Variants in SPATS2L observed in about 807,000 individuals in gnomAD.
SPATS2L encodes the protein SPATS2-like protein.
In SPATS2L, 30 loss-of-function variants were observed where a neutral mutation model predicts 59.6. The observed-to-expected ratio is 0.50, with a 90% confidence interval of 0.38 to 0.68. The LOEUF (loss-of-function observed/expected upper bound fraction) is 0.68. Ranked by LOEUF, SPATS2L falls within the 30% of genes least tolerant of loss-of-function variation. The pLI is 0.00. For missense variants in SPATS2L, 615 were observed against 700.0 expected, an observed-to-expected ratio of 0.88 and a Z score of 1.37; for synonymous variants, 252 against 263.5, an observed-to-expected ratio of 0.96 and a Z score of 0.42.
At position 200,419,357 on chromosome 2, in the gene SPATS2L, G is replaced by A; in HGVS notation, c.306G>A (p.Gln102=). 6.2e-7 allele frequency: 1 copy of A among 1,611,858 alleles called. No individual in the cohort carries two copies. Among genetic ancestry groups the A allele is most frequent in the East Asian group, 2.2e-5 (1 of 44,686 alleles). ...GGCCCCTGCAGCCGCAGCCACCACAGATTCAAAACGGCCCCATGAATGGCT... is the reference window on the plus strand; with the variant it reads ...GGCCCCTGCAGCCGCAGCCACCACAAATTCAAAACGGCCCCATGAATGGCT... ...EAGPLQPQPP[Q]IQNGPMNGCE... The change falls in exon 6 of 13, where the codon CAG becomes CAA. Residue 102 remains glutamine, a synonymous_variant. Transcript: ENST00000409140.
intron 1 of SPATS2L, among the ~76,000 whole-genome samples, chr2:200,313,836 T>C (rs2079273501): frequency 6.6e-6 from 1 of 152,174 alleles, no homozygotes. Context: ...TTTCTTGAAC[T>C]TTGCACAACA....
At chr2:200,454,298 G>A (rs3769439) in intron 8 of SPATS2L, among the ~76,000 whole-genome samples, 61,120 of 151,982 alleles carry the variant, frequency 0.4, 13,341 homozygotes, top group East Asian at 0.58. Context: ...CAACTACATT[G>A]ATGGTCCTGT....
chr2:200,399,480 A>G (rs536256638), intron 3 of SPATS2L, among the ~76,000 whole-genome samples: 14 of 152,318 alleles, frequency 9.2e-5, no homozygotes, highest in African/African-American at 3.1e-4. Flanking sequence ...CCGATGGACA[A>G]TTGTAGTTTT....
At chr2:200,386,720 G>C (rs146739999) in intron 2 of SPATS2L, among the ~76,000 whole-genome samples, 195 of 152,302 alleles carry the variant, frequency 1.3e-3, no homozygotes, top group African/African-American at 4.6e-3. Context: ...AGCTGATCTG[G>C]TCTAATGAAA....
intron 2 of SPATS2L, among the ~76,000 whole-genome samples, chr2:200,331,596 C>T (rs989232898): frequency 7.9e-5 from 12 of 152,114 alleles, no homozygotes; most frequent in East Asian, 1.9e-4. Flanking sequence ...GATTTTGAGT[C>T]GCACCTCAGC....
chr2:200,459,958 C>G, intron 9 of SPATS2L, 131 bp downstream of exon 9: 1 of 682,338 alleles, frequency 1.5e-6, no homozygotes, highest in Non-Finnish European at 2.5e-6. Flanking sequence ...CTCATGAACT[C>G]TGTAACCTTA....
intron 2 of SPATS2L, among the ~76,000 whole-genome samples, chr2:200,352,873 C>T (rs1285356198): frequency 1.3e-5 from 2 of 152,122 alleles, no homozygotes; most frequent in Non-Finnish European, 2.9e-5. Context: ...AATGAGAAAG[C>T]AGGGGAGGGG....
Position 200,440,743 on chromosome 2 carries a change from C to T in SPATS2L, c.747C>T (p.Ser249=), listed in dbSNP as rs370049321. 22 of 1,613,426 alleles carry T rather than the reference C, an allele frequency of 1.4e-5. No homozygotes were observed. Among genetic ancestry groups the T allele is most frequent in the Non-Finnish European group, 1.9e-5 (22 of 1,179,634 alleles). Residue 249 remains serine, a synonymous_variant, in exon 8 of 13, where the codon TCC becomes TCT. Transcript: ENST00000409140. The part of the protein sequence containing the change: ...RVMIKEEVDS[S]VKKIKAAFAE... ...TGATTAAGGAAGAAGTGGATAGTTC[C>T]GTGAAGAAGATCAAAGCTGCCTTTG... is the stretch of plus-strand genomic sequence containing the variant.
chr2:200,338,710 A>G (rs753348827), intron 2 of SPATS2L, among the ~76,000 whole-genome samples: 1 of 152,214 alleles, frequency 6.6e-6, no homozygotes, highest in Non-Finnish European at 1.5e-5. Flanking sequence ...TTCCTACTTT[A>G]TAGAATTTTG....
At chr2:200,423,657 A>G (rs778691858) in intron 6 of SPATS2L, among the ~76,000 whole-genome samples, 2 of 152,236 alleles carry the variant, frequency 1.3e-5, no homozygotes, top group Non-Finnish European at 2.9e-5. Context: ...ACAAAGCCAC[A>G]TAATGATATT....
chr2:200,469,629 C>T (rs539932792), intron 10 of SPATS2L: 3 of 294,118 alleles, frequency 1.0e-5, no homozygotes, highest in African/African-American at 4.3e-5. Flanking sequence ...ACTAGGAGGG[C>T]GAGGGGTGCT....
chr2:200,470,134 G>T (rs1359899216), intron 11 of SPATS2L, 118 bp downstream of exon 11: 4 of 702,268 alleles, frequency 5.7e-6, no homozygotes, highest in Non-Finnish European at 9.5e-6. Context: ...GGTCTAAAGA[G>T]ATTTAATGAT....
chr2:200,466,367 G>C (rs188903973), intron 9 of SPATS2L, among the ~76,000 whole-genome samples: 1 of 152,220 alleles, frequency 6.6e-6, no homozygotes, highest in African/African-American at 2.4e-5. Flanking sequence ...TCGAATTAGA[G>C]AGCCAGAAGT....
Position 200,419,299 on chromosome 2 carries a change from A to C in SPATS2L, c.248A>C (p.Asp83Ala), listed in dbSNP as rs2083206845. Residue 83 changes from aspartate to alanine, a missense_variant, in exon 6 of 13, where the codon GAT (aspartate) becomes GCT (alanine). Transcript: ENST00000409140. ...TCCAAGCAGCATCAAGGCAACAAAGATGCTAAAGACAAGGTGGAGAGGCCT... is the reference window on the plus strand; with the variant it reads ...TCCAAGCAGCATCAAGGCAACAAAGCTGCTAAAGACAAGGTGGAGAGGCCT... ...SKSKQHQGNK[D>A]AKDKVERPEA... is the part of the protein sequence containing the mutation. 11 of 1,600,970 alleles carry C rather than the reference A, an allele frequency of 6.9e-6. No homozygotes were observed. The highest frequency in any genetic ancestry group is 9.4e-6 in the Non-Finnish European group (11 of 1,173,302).
At position 200,416,413 on chromosome 2, in the gene SPATS2L, G is replaced by T; in HGVS notation, c.183G>T (p.Met61Ile). The change falls in exon 5 of 13, where the codon ATG (methionine) becomes ATT (isoleucine). Residue 61 changes from methionine to isoleucine, a missense_variant. By Grantham distance (10) the Met-to-Ile change is conservative. Coordinates refer to ENST00000409140, the MANE Select transcript of SPATS2L (RefSeq NM_001100423.2). Reference protein sequence around the residue: ...SAIQVLKEWNMTGKKKNNKRK... With the variant: ...SAIQVLKEWNITGKKKNNKRK... Reference sequence around the variant, plus strand: ...TTCAAGTTCTAAAAGAATGGAATATGACAGGAAAAAAGAAGGTAAGATTAA... The same window carrying T: ...TTCAAGTTCTAAAAGAATGGAATATTACAGGAAAAAAGAAGGTAAGATTAA... 1 of 1,489,666 alleles carries T rather than the reference G, an allele frequency of 6.7e-7. No individual in the cohort carries two copies. Among genetic ancestry groups the T allele is most frequent in the South Asian group, 1.4e-5 (1 of 72,462 alleles). The allele number at this position is 1,489,666 out of a possible 1,614,324, so 92.3% of individuals were successfully genotyped here.
intron 6 of SPATS2L, among the ~76,000 whole-genome samples, chr2:200,429,487 C>A (rs1045182103): frequency 6.6e-6 from 1 of 152,130 alleles, no homozygotes; most frequent in South Asian, 2.1e-4. Flanking sequence ...AGAAACTTGT[C>A]AAAGGGCACA....
At chr2:200,437,401 C>T (rs562291947) in intron 6 of SPATS2L, among the ~76,000 whole-genome samples, 1 of 152,234 alleles carries the variant, frequency 6.6e-6, no homozygotes, top group Non-Finnish European at 1.5e-5. Flanking sequence ...ATCTCCACTC[C>T]AACAGAATCA....
intron 2 of SPATS2L, among the ~76,000 whole-genome samples, chr2:200,333,652 C>A (rs2080036465): frequency 1.3e-5 from 2 of 151,994 alleles, no homozygotes; most frequent in African/African-American, 4.8e-5. Flanking sequence ...TCCCTCCCCG[C>A]TCCCCCCACC....
intron 2 of SPATS2L, among the ~76,000 whole-genome samples, chr2:200,348,890 A>C (rs1056464740): frequency 1.3e-5 from 2 of 152,130 alleles, no homozygotes; most frequent in African/African-American, 4.8e-5. Flanking sequence ...ATTAAGAAAA[A>C]AAAAAAAAAA....
Sources: allele counts gnomAD v4.1 joint callset (sites outside exome capture counted in the v4.1 genomes callset), GRCh38; gene constraint gnomAD v4.1.1; transcripts MANE v1.5; gene names NCBI Gene and HGNC (gene_info 2026-07-23, HGNC 2026-07-21).